SYMPK: variants seen among roughly 807,000 people sequenced by gnomAD.
SYMPK encodes symplekin.
Under a neutral mutation model 136.4 loss-of-function variants are expected in SYMPK, and 49 were observed. The ratio of observed to expected loss-of-function variants is 0.36; its 90% CI spans 0.29 to 0.46. The LOEUF (loss-of-function observed/expected upper bound fraction) is 0.46. SYMPK is among the 20% of genes least tolerant of loss of function. The pLI, the probability that SYMPK is intolerant of heterozygous loss-of-function variation, is 1.00. For missense variants in SYMPK, 1,365 were observed against 1,690.0 expected (o/e 0.81, Z 3.37); for synonymous variants, 766 against 713.0 (o/e 1.07, Z -1.19).
At chr19:45,858,577 G>A (rs753686391) in intron 1 of SYMPK, among the ~76,000 whole-genome samples, 2 of 151,658 alleles carry the variant, frequency 1.3e-5, no homozygotes, top group Non-Finnish European at 1.5e-5. Flanking sequence ...GTGCAATGGC[G>A]TGATCTCAGC....
chr19:45,835,942 A>C (rs191478284), intron 10 of SYMPK, among the ~76,000 whole-genome samples: 3 of 151,498 alleles, frequency 2.0e-5, no homozygotes, highest in South Asian at 2.1e-4. Context: ...AGAAAGAAAG[A>C]AAGCAAAAAG....
chr19:45,859,069 C>G (rs890736571), intron 1 of SYMPK, among the ~76,000 whole-genome samples: 2 of 152,120 alleles, frequency 1.3e-5, no homozygotes, highest in Non-Finnish European at 2.9e-5. Context: ...CCATCGCCCC[C>G]GGCCTAGAAC....
chr19:45,851,009 C>T (rs1023853472), intron 5 of SYMPK, among the ~76,000 whole-genome samples: 6 of 151,938 alleles, frequency 3.9e-5, no homozygotes, highest in African/African-American at 1.2e-4. Context: ...CGAAATCCAA[C>T]TGTGACTTCT....
chr19:45,852,393 T>C lies in SYMPK; in HGVS notation c.226-8A>G, dbSNP rs773844205. ...TTGGAATGCGATGATCTCCTGCCAA[T>C]GTTAGAGAGAAAGTGGATCAGGGCT... On this transcript the variant is annotated splice_region_variant and splice_polypyrimidine_tract_variant and intron_variant, in intron 4 of 26. Transcript: ENST00000245934. 6 of 1,614,180 alleles carry C rather than the reference T, an allele frequency of 3.7e-6. No homozygotes were observed. The highest frequency in any genetic ancestry group is 3.3e-4 in the Middle Eastern group (2 of 6,060).
chr19:45,848,138 C>A, intron 6 of SYMPK, 137 bp from the exon 7 acceptor site: 2 of 1,145,754 alleles, frequency 1.7e-6, no homozygotes, highest in Non-Finnish European at 2.4e-6. Flanking sequence ...TACTGAGTTC[C>A]AACTCTGCCC....
intron 11 of SYMPK, among the ~76,000 whole-genome samples, 188 bp from the exon 12 acceptor site, chr19:45,831,776 G>C (rs965088886): frequency 1.3e-5 from 2 of 152,148 alleles, no homozygotes; most frequent in Non-Finnish European, 2.9e-5. Context: ...GCTCAAACTA[G>C]AAATGCCATT....
chr19:45,829,229 G>A (rs761886582), intron 13 of SYMPK, 24 bp from the exon 14 acceptor site: 46 of 1,604,332 alleles, frequency 2.9e-5, no homozygotes, highest in Non-Finnish European at 3.6e-5. Context: ...GAGCCAGCAT[G>A]TCAGTGTAGG....
At position 45,840,312 on chromosome 19, in the gene SYMPK, CAAA is replaced by C. The variant is rs546768442; in HGVS notation, c.1088-1700_1088-1698del. On this transcript the variant is annotated intron_variant, in intron 9 of 26. Transcript: ENST00000245934. Reference sequence around the variant, plus strand: ...CCTGGGTGACAGAGCGAGACTGTCTCAAAAAAAAAAAAAAAAAAAAAAAAAGAC... The same window carrying C: ...CCTGGGTGACAGAGCGAGACTGTCTCAAAAAAAAAAAAAAAAAAAAAAGAC... Among the ~76,000 whole-genome samples the C allele has an allele frequency of 5.4e-4, 31 of 57,134 alleles. No individual in the cohort carries two copies. The South Asian group carries it at 6.7e-3, about 12-fold the overall frequency. 37.5% of individuals were successfully genotyped at this position (57,134 alleles called of 152,430 possible).
chr19:45,827,959 G>C, intron 14 of SYMPK, 41 bp from the exon 15 acceptor site: 3 of 1,593,668 alleles, frequency 1.9e-6, no homozygotes, highest in African/African-American at 1.3e-5. Context: ...CAGAGGAAGA[G>C]GCCGCCTGGC....
intron 1 of SYMPK, among the ~76,000 whole-genome samples, chr19:45,858,659 G>A (rs973084018): frequency 2.6e-5 from 4 of 152,126 alleles, no homozygotes; most frequent in Admixed American, 6.6e-5. Context: ...GGGATTACAG[G>A]CATGTGCCAC....
At position 45,822,437 on chromosome 19, in the gene SYMPK, C is replaced by T. The variant is rs1316566335; in HGVS notation, c.2791+319G>A. ...CCCCTGGCCCACAGCTTGAGGGATT[C>T]GGGCAAGATCTGAGGAGGGGCCAGA... On this transcript the variant is annotated intron_variant, in intron 21 of 26. Coordinates refer to ENST00000245934, the MANE Select transcript of SYMPK (RefSeq NM_004819.3). Among the ~76,000 whole-genome samples, 7 of 152,110 alleles carry T rather than the reference C, an allele frequency of 4.6e-5. No individual in the cohort carries two copies. The East Asian group carries it at 9.6e-4, about 21-fold the overall frequency.
chr19:45,854,840 T>A, intron 1 of SYMPK: 3 of 329,730 alleles, frequency 9.1e-6, no homozygotes, highest in South Asian at 7.0e-5. Context: ...CCTCTCTCCA[T>A]CTGGGATATG....
At chr19:45,816,618 G>A in intron 24 of SYMPK, 41 bp from the exon 25 acceptor site, 1 of 1,611,480 alleles carries the variant, frequency 6.2e-7, no homozygotes, top group Non-Finnish European at 8.5e-7. Context: ...GGCAGCTCTG[G>A]CACAGAGACC....
chr19:45,818,822 G>A (rs1777398508), intron 22 of SYMPK: 1 of 152,280 alleles, frequency 6.6e-6, no homozygotes, highest in African/African-American at 2.4e-5. Flanking sequence ...TGTTCCCCGA[G>A]TGGGTGGCCA....
At chr19:45,861,541 C>T (rs998305463) in intron 1 of SYMPK, among the ~76,000 whole-genome samples, 2 of 152,054 alleles carry the variant, frequency 1.3e-5, no homozygotes, top group African/African-American at 4.8e-5. Flanking sequence ...GAGTTCAAGA[C>T]CAGCCTGACC....
At chr19:45,830,348 G>T in intron 12 of SYMPK, 144 bp from the exon 13 acceptor site, 1 of 950,766 alleles carries the variant, frequency 1.1e-6, no homozygotes, top group Non-Finnish European at 1.5e-6. Context: ...CTGTGTCTCT[G>T]AGGCACGGTG....
At chr19:45,851,341 C>T (rs1464632633) in intron 5 of SYMPK, among the ~76,000 whole-genome samples, 1 of 152,036 alleles carries the variant, frequency 6.6e-6, no homozygotes, top group Non-Finnish European at 1.5e-5. Context: ...TTTGGGAGGC[C>T]AAGGTGGGCC....
At chr19:45,853,374 G>A (rs956575414) in intron 3 of SYMPK, among the ~76,000 whole-genome samples, 2 of 152,112 alleles carry the variant, frequency 1.3e-5, no homozygotes, top group African/African-American at 2.4e-5. Context: ...ACGGTGGCTC[G>A]TGCCTGTAAT....
In SYMPK at chr19:45,827,861, C is replaced by G. The variant is rs773219888; in HGVS notation, c.2043G>C (p.Val681=). The change falls in exon 15 of 27, where the codon GTG becomes GTC. Residue 681 remains valine (V), a synonymous_variant. Coordinates refer to ENST00000245934, the MANE Select transcript of SYMPK (RefSeq NM_004819.3). The stretch of plus-strand genomic sequence containing the variant: ...CCTCATCCTCGCAGTACTTGCGGAC[C>G]ACCTCCAGGGCACTCTCTGTGATGA... ...APLITESALE[V]VRKYCEDESR... 1.1e-5 allele frequency: 17 copies of G among 1,614,022 alleles called. No homozygotes were observed. In the Admixed American group the frequency reaches 1.5e-4, roughly 14 times the overall value.
Sources: allele counts gnomAD v4.1 joint callset (sites outside exome capture counted in the v4.1 genomes callset), GRCh38; gene constraint gnomAD v4.1.1; transcripts MANE v1.5; gene names NCBI Gene and HGNC (gene_info 2026-07-23, HGNC 2026-07-21).